DYNC1I1: variants seen among roughly 807,000 people sequenced by gnomAD.
DYNC1I1 encodes cytoplasmic dynein 1 intermediate chain 1.
DYNC1I1 carries 43 observed loss-of-function variants against 86.6 expected under a neutral mutation model. That is an observed-to-expected ratio of 0.50 (90% CI 0.39 to 0.64). DYNC1I1 has a LOEUF of 0.64. Among genes scored for constraint, DYNC1I1 ranks in the 30% least tolerant of loss-of-function variants. DYNC1I1 has a pLI of 0.00. For missense variants in DYNC1I1, 604 were observed against 788.8 expected (o/e 0.77, Z 2.81); for synonymous variants, 262 against 283.7 (o/e 0.92, Z 0.77).
intron 14 of DYNC1I1, among the ~76,000 whole-genome samples, chr7:96,054,274 A>G (rs1266127923): frequency 1.3e-5 from 2 of 152,154 alleles, no homozygotes. Flanking sequence ...GCTGAGAATG[A>G]TGGTTTCCAG....
In DYNC1I1 at chr7:96,016,203, A is replaced by G. The variant is rs570391872; in HGVS notation, c.970-11972A>G. 5.1e-4 allele frequency among the ~76,000 whole-genome samples: 78 copies of G among 152,196 alleles called. 2 individuals carry two copies. The South Asian group carries it at 0.016, about 31-fold the overall frequency. On this transcript the variant is annotated intron_variant, in intron 10 of 16. Coordinates refer to ENST00000447467, the MANE Select transcript of DYNC1I1 (RefSeq NM_001135556.2). Reference sequence around the variant, plus strand: ...TATTTTATTTTCTTGCTAAATTTAGAATGATCCAACTGATTCTGTGTACTG... The same window carrying G: ...TATTTTATTTTCTTGCTAAATTTAGGATGATCCAACTGATTCTGTGTACTG...
At chr7:96,058,433 A>C (rs1789650993) in intron 14 of DYNC1I1, among the ~76,000 whole-genome samples, 1 of 152,212 alleles carries the variant, frequency 6.6e-6, no homozygotes, top group East Asian at 1.9e-4. Flanking sequence ...AGTTAGTTTC[A>C]TGTAACTTAA....
chr7:95,895,083 C>A (rs1171730085), intron 6 of DYNC1I1, among the ~76,000 whole-genome samples: 1 of 152,196 alleles, frequency 6.6e-6, no homozygotes, highest in Non-Finnish European at 1.5e-5. Flanking sequence ...GTGGATCAGA[C>A]TGGCAACAGA....
chr7:96,085,593 G>A (rs1369896456), intron 16 of DYNC1I1, among the ~76,000 whole-genome samples: 3 of 152,156 alleles, frequency 2.0e-5, no homozygotes, highest in South Asian at 2.1e-4. Flanking sequence ...CAGAGCAGGT[G>A]CTGAACTCCC....
intron 14 of DYNC1I1, chr7:96,055,937 A>G (rs1445005585): frequency 6.6e-6 from 1 of 152,158 alleles, no homozygotes; most frequent in Admixed American, 6.5e-5. Flanking sequence ...TCTAAGCCCA[A>G]GGCAAAAGTA....
intron 14 of DYNC1I1, among the ~76,000 whole-genome samples, chr7:96,069,850 T>C (rs1057482060): frequency 6.6e-5 from 10 of 152,364 alleles, no homozygotes; most frequent in African/African-American, 2.2e-4. Flanking sequence ...TCAGTACTTA[T>C]TTAGCAAAAC....
rs1327624477 is a variant in DYNC1I1 at position 96,039,392 on chromosome 7, G to A, written c.1480G>A (p.Asp494Asn). The stretch of plus-strand genomic sequence containing the variant: ...TCACCTGTTTGTCACATCATCATTT[G>A]ACTGGACTGTCAAACTGTGGACCAC... ...FSHLFVTSSFDWTVKLWTTKH... is the reference protein window; with the variant it reads ...FSHLFVTSSFNWTVKLWTTKH... The change falls in exon 14 of 17, where the codon GAC becomes AAC. Residue 494 changes from aspartate to asparagine, a missense_variant. Asp to Asn is a conservative substitution (Grantham distance 23). Coordinates refer to ENST00000447467, the MANE Select transcript of DYNC1I1 (RefSeq NM_001135556.2). 1.2e-6 allele frequency: 2 copies of A among 1,613,882 alleles called. No homozygotes were observed. The highest frequency in any genetic ancestry group is 1.7e-6 in the Non-Finnish European group (2 of 1,179,954).
At chr7:95,785,301 C>G (rs879885633) in intron 1 of DYNC1I1, among the ~76,000 whole-genome samples, 3 of 152,114 alleles carry the variant, frequency 2.0e-5, no homozygotes, top group Non-Finnish European at 2.9e-5. Flanking sequence ...GTGGTCCCAG[C>G]TACTTAGGAG....
chr7:96,064,449 C>T (rs796120763), intron 14 of DYNC1I1, among the ~76,000 whole-genome samples: 7 of 152,120 alleles, frequency 4.6e-5, no homozygotes, highest in African/African-American at 7.2e-5. Flanking sequence ...CCTTTCATTA[C>T]GATTTTTCAT....
intron 6 of DYNC1I1, among the ~76,000 whole-genome samples, chr7:95,896,783 T>A (rs1267504561): frequency 6.6e-6 from 1 of 152,214 alleles, no homozygotes; most frequent in Non-Finnish European, 1.5e-5. Flanking sequence ...GCCTAGAATG[T>A]CAATCCGTGA....
At chr7:95,982,859 A>G (rs1006196740) in intron 7 of DYNC1I1, among the ~76,000 whole-genome samples, 26 of 152,162 alleles carry the variant, frequency 1.7e-4, no homozygotes, top group Non-Finnish European at 3.1e-4. Flanking sequence ...TAGTTTTATT[A>G]TATTCTGGAG....
At chr7:95,901,830 A>T (rs548751509) in intron 6 of DYNC1I1, among the ~76,000 whole-genome samples, 1 of 152,214 alleles carries the variant, frequency 6.6e-6, no homozygotes, top group African/African-American at 2.4e-5. Context: ...TTAGGCTAAA[A>T]GACCAGCCAT....
chr7:95,860,851 C>G lies in DYNC1I1; in HGVS notation c.375-9032C>G, dbSNP rs189754225. ...CTAAGCTAGTTTCTTGTAGCCCTTT[C>G]ATTAGGCATTAATTAATTCATGAGG... is the stretch of plus-strand genomic sequence containing the variant. On this transcript the variant is annotated intron_variant, in intron 5 of 16. Coordinates refer to ENST00000447467, the MANE Select transcript of DYNC1I1 (RefSeq NM_001135556.2). Among the ~76,000 whole-genome samples the G allele has an allele frequency of 2.0e-4, 30 of 152,266 alleles. 1 individual carries two copies. In the South Asian group the frequency reaches 6.2e-3, roughly 32 times the overall value.
intron 14 of DYNC1I1, among the ~76,000 whole-genome samples, chr7:96,057,809 A>G (rs1789626635): frequency 6.6e-6 from 1 of 152,214 alleles, no homozygotes. Context: ...GACCAATTAC[A>G]TATCAATTAA....
chr7:95,857,417 T>C (rs140374584), intron 5 of DYNC1I1, among the ~76,000 whole-genome samples: 334 of 152,316 alleles, frequency 2.2e-3, no homozygotes, highest in African/African-American at 7.5e-3. Flanking sequence ...ACAGATATGT[T>C]ATTCTCTAAA....
At chr7:96,095,357 A>T (rs1284628223) in intron 16 of DYNC1I1, among the ~76,000 whole-genome samples, 5 of 152,108 alleles carry the variant, frequency 3.3e-5, no homozygotes, top group African/African-American at 1.2e-4. Context: ...TACCTATTTT[A>T]TTGTTAATAG....
intron 16 of DYNC1I1, among the ~76,000 whole-genome samples, chr7:96,092,484 G>A (rs1790877967): frequency 6.6e-6 from 1 of 152,142 alleles, no homozygotes; most frequent in South Asian, 2.1e-4. Flanking sequence ...GCAAATCTGG[G>A]AAAGAAACCA....
At chr7:96,067,522 G>A (rs1389706117) in intron 14 of DYNC1I1, among the ~76,000 whole-genome samples, 1 of 147,796 alleles carries the variant, frequency 6.8e-6, no homozygotes, top group Non-Finnish European at 1.5e-5. Flanking sequence ...CCACAAGAAT[G>A]TAATCATAAA....
intron 5 of DYNC1I1, among the ~76,000 whole-genome samples, chr7:95,850,454 T>C (rs1326385883): frequency 2.0e-5 from 3 of 152,308 alleles, no homozygotes; most frequent in South Asian, 2.1e-4. Context: ...TTGCATCTAT[T>C]GAAATGATCA....
Sources: gnomAD v4.1 joint callset for allele counts (sites outside exome capture counted in the v4.1 genomes callset) on GRCh38, gnomAD v4.1.1 for gene constraint, MANE v1.5 for transcripts, NCBI Gene and HGNC (gene_info 2026-07-23, HGNC 2026-07-21) for gene names.